CNBD1: variants seen among roughly 807,000 people sequenced by gnomAD.
CNBD1 encodes cyclic nucleotide-binding domain-containing protein 1.
A neutral mutation model predicts 54.4 loss-of-function variants in CNBD1; 71 were observed. The ratio of observed to expected loss-of-function variants is 1.30; its 90% CI spans 1.08 to 1.59. The LOEUF (loss-of-function observed/expected upper bound fraction) is 1.59, where lower values mean the gene tolerates loss of function less well. Among genes scored for constraint, CNBD1 ranks in the 40% most tolerant of loss-of-function variants. The pLI, the probability that CNBD1 is intolerant of heterozygous loss-of-function variation, is 0.00. For synonymous variants in CNBD1, 182 were observed against 170.7 expected (o/e 1.07, Z -0.51); for missense variants, 659 against 518.0 (o/e 1.27, Z -2.64).
At chr8:87,005,712 T>C (rs558703528) in intron 4 of CNBD1, among the ~76,000 whole-genome samples, 4 of 152,070 alleles carry the variant, frequency 2.6e-5, no homozygotes, top group Admixed American at 2.6e-4. Flanking sequence ...TGAACTCAAG[T>C]CTATTGAAAC....
At position 87,337,631 on chromosome 8, in the gene CNBD1, TGG is replaced by T. The variant is rs369906872; in HGVS notation, c.1043-14053_1043-14052del. On this transcript the variant is annotated intron_variant, in intron 8 of 10. Transcript: ENST00000518476. ...TTTTGAGTGTGATCTTCCAATCTGT[TGG>T]TTGCACACTTTTGTGGAAAAACCAC... is the stretch of plus-strand genomic sequence containing the variant. 2.8e-3 allele frequency among the ~76,000 whole-genome samples: 429 copies of T among 152,326 alleles called. 4 individuals are homozygous for T. The highest frequency in any genetic ancestry group is 9.2e-3 in the African/African-American group (384 of 41,560).
At position 87,398,953 on chromosome 8, in the gene CNBD1, A is replaced by G. The variant is rs74577179; in HGVS notation, c.214-29593A>G. Among the ~76,000 whole-genome samples the G allele has an allele frequency of 5.1e-3, 778 of 152,148 alleles. 6 individuals carry two copies. Among genetic ancestry groups the G allele is most frequent in the African/African-American group, 0.018 (733 of 41,556 alleles). ...ATCCCCTTAGTGGGATATTTTTTCT[A>G]CTTGTCAGAGAGATTGTTATTCTTC... On this transcript the variant is annotated intron_variant, in intron 2 of 7. Transcript: ENST00000521593.
intron 8 of CNBD1, among the ~76,000 whole-genome samples, chr8:87,303,040 T>G (rs1027191924): frequency 2.0e-5 from 3 of 151,560 alleles, no homozygotes; most frequent in African/African-American, 7.3e-5. Context: ...AGAATCAATA[T>G]CGTGAAAATG....
rs183424352 is a variant in CNBD1 at position 87,222,827 on chromosome 8, A to G, written c.578-14092A>G. 3.1e-3 allele frequency among the ~76,000 whole-genome samples: 468 copies of G among 152,258 alleles called. 2 individuals are homozygous for G. Among genetic ancestry groups the G allele is most frequent in the African/African-American group, 0.01 (436 of 41,552 alleles). On this transcript the variant is annotated intron_variant, in intron 5 of 10. Coordinates refer to ENST00000518476, the MANE Select transcript of CNBD1 (RefSeq NM_173538.3). ...TTTAATGCCTTCTGTTCATTAATAG[A>G]AGTATAGTTAAGAGCTATTTTCAAA...
chr8:87,384,688 G>C (rs949570421), downstream of CNBD1, among the ~76,000 whole-genome samples: 4 of 152,106 alleles, frequency 2.6e-5, no homozygotes, highest in African/African-American at 7.2e-5. Flanking sequence ...ACTTACTAAG[G>C]ACTATCAAAT....
chr8:87,079,180 T>C (rs1470126885), intron 4 of CNBD1, among the ~76,000 whole-genome samples: 1 of 152,170 alleles, frequency 6.6e-6, no homozygotes, highest in Non-Finnish European at 1.5e-5. Context: ...CCAAGTTTTG[T>C]GGTAATCTGT....
At chr8:87,353,455 T>C (rs569365607) in intron 9 of CNBD1, among the ~76,000 whole-genome samples, 181 bp from the exon 10 acceptor site, 1 of 152,334 alleles carries the variant, frequency 6.6e-6, no homozygotes, top group East Asian at 1.9e-4. Context: ...GAATTTACTA[T>C]TGCTCTAATA....
chr8:87,024,207 C>T (rs1390006983), intron 4 of CNBD1, among the ~76,000 whole-genome samples: 2 of 143,200 alleles, frequency 1.4e-5, no homozygotes, highest in South Asian at 2.3e-4. Context: ...CCACTGCACT[C>T]CAGCCTGGGT....
At chr8:87,423,021 A>G (rs1388253601) in intron 2 of CNBD1, among the ~76,000 whole-genome samples, 2 of 151,648 alleles carry the variant, frequency 1.3e-5, no homozygotes, top group Non-Finnish European at 1.5e-5. Context: ...TAGGTATTTT[A>G]TTCTCTTTGA....
chr8:87,293,220 T>C (rs1808817650), intron 8 of CNBD1, among the ~76,000 whole-genome samples: 1 of 152,194 alleles, frequency 6.6e-6, no homozygotes. Flanking sequence ...TTGCTTTTGT[T>C]GTGGCAATGA....
chr8:87,057,335 C>A lies in CNBD1; in HGVS notation c.431+117581C>A, dbSNP rs570173277. Among the ~76,000 whole-genome samples, 3 of 152,136 alleles carry A rather than the reference C, an allele frequency of 2.0e-5. No individual in the cohort carries two copies. The East Asian group carries it at 5.8e-4, about 29-fold the overall frequency. On this transcript the variant is annotated intron_variant, in intron 4 of 10. Coordinates refer to ENST00000518476, the MANE Select transcript of CNBD1 (RefSeq NM_173538.3). ...AATGCAGAATGAAGGTGGGAAAGGC[C>A]CCTTACTTTAATAAAACCATCAGAT... is the stretch of plus-strand genomic sequence containing the variant.
intron 4 of CNBD1, among the ~76,000 whole-genome samples, chr8:87,184,921 C>T (rs1813442995): frequency 1.3e-5 from 2 of 152,044 alleles, no homozygotes; most frequent in Non-Finnish European, 2.9e-5. Context: ...TAATATGTTG[C>T]ATTTTCATTT....
rs189360262 is a variant in CNBD1, at chr8:87,279,005, A to T, written c.772-5673A>T. ...CTGAAAATTCCATTATTATGTTTAAATTTTTTTCTAAATTTATAATTTTTC... is the reference window on the plus strand; with the variant it reads ...CTGAAAATTCCATTATTATGTTTAATTTTTTTTCTAAATTTATAATTTTTC... On this transcript the variant is annotated intron_variant, in intron 6 of 10. Transcript: ENST00000518476. 1.1e-4 allele frequency among the ~76,000 whole-genome samples: 16 copies of T among 151,340 alleles called. No homozygotes were observed. In the East Asian group the frequency reaches 2.7e-3, roughly 26 times the overall value.
intron 2 of CNBD1, among the ~76,000 whole-genome samples, chr8:87,404,743 A>AAGG (rs1303918607): frequency 6.6e-6 from 1 of 152,102 alleles, no homozygotes; most frequent in East Asian, 1.9e-4. Flanking sequence ...TCCAGTATGT[A>AAGG]AGGATATTAG....
chr8:87,354,684 G>A (rs898109316), intron 10 of CNBD1, among the ~76,000 whole-genome samples: 2 of 151,500 alleles, frequency 1.3e-5, no homozygotes, highest in Admixed American at 6.6e-5. Flanking sequence ...GTGATAGTTT[G>A]CTGAGAATGA....
intron 4 of CNBD1, among the ~76,000 whole-genome samples, chr8:86,993,813 G>A (rs895599143): frequency 6.6e-5 from 10 of 152,184 alleles, no homozygotes; most frequent in Admixed American, 5.9e-4. Flanking sequence ...CAGCCACATG[G>A]CTCTTTTATA....
intron 3 of CNBD1, among the ~76,000 whole-genome samples, chr8:86,928,709 T>C (rs970609058): frequency 1.3e-5 from 2 of 152,220 alleles, no homozygotes; most frequent in African/African-American, 4.8e-5. Context: ...GATAGTGCCC[T>C]ATTTTTTGTT....
chr8:87,193,856 G>A lies in CNBD1; in HGVS notation c.432-12137G>A, dbSNP rs1431764. 2.5e-3 allele frequency among the ~76,000 whole-genome samples: 382 copies of A among 152,242 alleles called. 2 individuals carry two copies. Among genetic ancestry groups the A allele is most frequent in the African/African-American group, 8.5e-3 (354 of 41,548 alleles). On this transcript the variant is annotated intron_variant, in intron 4 of 10. Coordinates refer to ENST00000518476, the MANE Select transcript of CNBD1 (RefSeq NM_173538.3). ...CAGCTCCTTTGCTAAGCTATACCCA[G>A]TAATTTAGAATAAGAGTTTAACGGA...
At chr8:87,080,615 A>C (rs927705075) in intron 4 of CNBD1, among the ~76,000 whole-genome samples, 1 of 152,050 alleles carries the variant, frequency 6.6e-6, no homozygotes, top group African/African-American at 2.4e-5. Context: ...TACTTTCTGC[A>C]AATGATTATT....
Sources: gnomAD v4.1 joint callset for allele counts (sites outside exome capture counted in the v4.1 genomes callset) on GRCh38, gnomAD v4.1.1 for gene constraint, MANE v1.5 for transcripts, NCBI Gene and HGNC (gene_info 2026-07-23, HGNC 2026-07-21) for gene names.